The following ATP8B4 variants were observed in gnomAD, a reference collection of about 807,000 sequenced individuals.
ATP8B4 encodes the protein ATPase phospholipid transporting 8B4 (putative).
Under a neutral mutation model 145.6 loss-of-function variants are expected in ATP8B4, and 133 were observed. The observed-to-expected ratio is 0.91, with a 90% confidence interval of 0.79 to 1.05. The LOEUF (loss-of-function observed/expected upper bound fraction) is 1.05. ATP8B4 is among the 50% of genes least tolerant of loss of function. The pLI is 0.00. For missense variants in ATP8B4, 1,458 were observed against 1,425.2 expected (o/e 1.02, Z -0.37); for synonymous variants, 507 against 492.9 (o/e 1.03, Z -0.38).
chr15:50,117,339 T>G (rs1020384777), intron 1 of ATP8B4, among the ~76,000 whole-genome samples: 8 of 152,206 alleles, frequency 5.3e-5, no homozygotes, highest in African/African-American at 1.9e-4. Flanking sequence ...CATGAGCCAC[T>G]GCATCTGGCC....
At chr15:50,012,035 A>G (rs190966036) in intron 6 of ATP8B4, among the ~76,000 whole-genome samples, 89 of 152,276 alleles carry the variant, frequency 5.8e-4, no homozygotes, top group African/African-American at 2.1e-3. Context: ...TTTAATACAG[A>G]TCCAAGTACA....
At chr15:50,145,622 G>T (rs918172786) in intron 1 of ATP8B4, among the ~76,000 whole-genome samples, 1 of 151,936 alleles carries the variant, frequency 6.6e-6, no homozygotes, top group Non-Finnish European at 1.5e-5. Flanking sequence ...AATTCTTAAG[G>T]CTAATTAGGC....
At chr15:49,892,917 C>A (rs947321886) in intron 23 of ATP8B4, among the ~76,000 whole-genome samples, 1 of 152,146 alleles carries the variant, frequency 6.6e-6, no homozygotes, top group Non-Finnish European at 1.5e-5. Context: ...TTTGCACTAA[C>A]TAAAGGGAGA....
At chr15:50,020,437 T>C (rs771673116) in intron 6 of ATP8B4, among the ~76,000 whole-genome samples, 24 of 151,562 alleles carry the variant, frequency 1.6e-4, no homozygotes, top group Non-Finnish European at 3.4e-4. Context: ...GCCTGGCTAA[T>C]TTTTTTGTAT....
At chr15:49,978,388 AAT>A (rs1303306741) in intron 12 of ATP8B4, among the ~76,000 whole-genome samples, 2 of 152,108 alleles carry the variant, frequency 1.3e-5, no homozygotes, top group Non-Finnish European at 2.9e-5. Flanking sequence ...GGCCCGAAGC[AAT>A]ATGTGGTATT....
chr15:50,092,173 A>G (rs1266126604), intron 2 of ATP8B4, among the ~76,000 whole-genome samples: 1 of 152,092 alleles, frequency 6.6e-6, no homozygotes, highest in Non-Finnish European at 1.5e-5. Flanking sequence ...AGACAAACCA[A>G]TGAAAACATA....
chr15:49,913,849 A>G (rs575565290), intron 20 of ATP8B4, among the ~76,000 whole-genome samples: 4 of 152,340 alleles, frequency 2.6e-5, no homozygotes, highest in African/African-American at 9.6e-5. Context: ...GAAAACTACA[A>G]AACACCAGTG....
chr15:50,176,635 G>T (rs138345412), intron 1 of ATP8B4, among the ~76,000 whole-genome samples: 1,587 of 152,264 alleles, frequency 0.01, 11 homozygotes, highest in Non-Finnish European at 0.015. Flanking sequence ...GATATTGAAA[G>T]AAGAGAGAGA....
rs1323199010 is a variant in ATP8B4, at chr15:49,901,089, C to T, written c.2289+3G>A. On this transcript the variant is annotated splice_donor_region_variant and intron_variant, in intron 21 of 27. Coordinates refer to ENST00000284509, the MANE Select transcript of ATP8B4 (RefSeq NM_024837.4). ...AAAGGACAAAAACCTTAGGCAAACT[C>T]ACCAAACTGTGGCCATTTATGATTA... 6 of 1,611,662 alleles carry T rather than the reference C, an allele frequency of 3.7e-6. No individual in the cohort carries two copies. Among genetic ancestry groups the T allele is most frequent in the African/African-American group, 2.7e-5 (2 of 74,802 alleles).
chr15:49,873,151 T>C (rs2033905900), intron 25 of ATP8B4, among the ~76,000 whole-genome samples: 1 of 152,184 alleles, frequency 6.6e-6, no homozygotes, highest in Admixed American at 6.5e-5. Context: ...TCTAAATCAG[T>C]GAAGGGCTGC....
intron 1 of ATP8B4, among the ~76,000 whole-genome samples, chr15:50,145,097 T>C (rs902979410): frequency 6.6e-6 from 1 of 152,252 alleles, no homozygotes; most frequent in Admixed American, 6.5e-5. Flanking sequence ...TACCACATCC[T>C]AATCTGAGTT....
Position 50,114,118 on chromosome 15 carries a change from T to TTTTTTTTTTTTTTTTTTTTTTTTTTTTG in ATP8B4, c.-43+5004_-43+5005insCAAAAAAAAAAAAAAAAAAAAAAAAAAA, listed in dbSNP as rs2057086177. On this transcript the variant is annotated intron_variant, in intron 1 of 27. Coordinates refer to ENST00000284509, the MANE Select transcript of ATP8B4 (RefSeq NM_024837.4). ...CTCCTAGTTTCTTTTTTTTTTTTTTTTTTTTTTTTTAATTTTCATAGACTA... is the reference window on the plus strand; with the variant it reads ...CTCCTAGTTTCTTTTTTTTTTTTTTTTTTTTTTTTTTTTTTTTTTTTTTTTTTGTTTTTTTTTTAATTTTCATAGACTA... Among the ~76,000 whole-genome samples the TTTTTTTTTTTTTTTTTTTTTTTTTTTTG allele has an allele frequency of 1.4e-5, 2 of 141,716 alleles. 1 individual carries two copies. Among genetic ancestry groups the TTTTTTTTTTTTTTTTTTTTTTTTTTTTG allele is most frequent in the Non-Finnish European group, 3.1e-5 (2 of 64,958 alleles). 93.0% of individuals were successfully genotyped at this position (141,716 alleles called of 152,430 possible). A position where few individuals can be genotyped will look rare whatever the true frequency, so the allele number is the denominator to read the frequency against.
chr15:50,045,138 T>C lies in ATP8B4; in HGVS notation c.202-446A>G, dbSNP rs75805064. On this transcript the variant is annotated intron_variant, in intron 4 of 27. Transcript: ENST00000284509. ...ATCATTTAATCCTCGGAAAAGTTCA[T>C]TGAGTTAGATTCCTACTAGGATTGT... Among the ~76,000 whole-genome samples the C allele has an allele frequency of 5.4e-3, 817 of 152,320 alleles. 6 individuals are homozygous for C. The highest frequency in any genetic ancestry group is 0.028 in the East Asian group (143 of 5,188).
intron 20 of ATP8B4, among the ~76,000 whole-genome samples, chr15:49,908,809 A>G (rs765045020): frequency 2.6e-5 from 4 of 152,078 alleles, no homozygotes; most frequent in Non-Finnish European, 5.9e-5. Flanking sequence ...CAAGACGCTG[A>G]CAGCAACCCC....
Position 50,038,843 on chromosome 15 carries a change from G to A in ATP8B4, c.301-14C>T, listed in dbSNP as rs2051043270. The A allele has an allele frequency of 6.2e-7, 1 of 1,610,986 alleles. No individual in the cohort carries two copies. Among genetic ancestry groups the A allele is most frequent in the Non-Finnish European group, 8.5e-7 (1 of 1,177,394 alleles). ...CTTGTGGCGAAACTGAAAAATCAAA[G>A]TGTTTGTGAGAAAACACATTACAAG... On this transcript the variant is annotated splice_polypyrimidine_tract_variant and intron_variant, in intron 5 of 27. Coordinates refer to ENST00000284509, the MANE Select transcript of ATP8B4 (RefSeq NM_024837.4).
intron 6 of ATP8B4, among the ~76,000 whole-genome samples, chr15:50,031,956 G>A (rs183311540): frequency 4.7e-4 from 72 of 152,182 alleles, no homozygotes; most frequent in African/African-American, 1.5e-3. Flanking sequence ...AATATAAAAC[G>A]TATTCAAATT....
chr15:50,090,507 T>C (rs1158925214), intron 2 of ATP8B4, among the ~76,000 whole-genome samples: 1 of 152,160 alleles, frequency 6.6e-6, no homozygotes. Context: ...AGCTCCCTCA[T>C]ACCTTCTGCC....
intron 6 of ATP8B4, among the ~76,000 whole-genome samples, chr15:50,015,297 G>A (rs1043562553): frequency 3.9e-5 from 6 of 152,138 alleles, no homozygotes; most frequent in Non-Finnish European, 5.9e-5. Context: ...TCCATTTTAC[G>A]TTCTTTTGTA....
intron 1 of ATP8B4, among the ~76,000 whole-genome samples, chr15:50,142,067 C>T (rs1341191022): frequency 6.6e-6 from 1 of 151,302 alleles, no homozygotes; most frequent in Admixed American, 6.6e-5. Flanking sequence ...ACAGAATGTA[C>T]AAAGGCAGAG....
Sources: gnomAD v4.1 joint callset for allele counts (sites outside exome capture counted in the v4.1 genomes callset) on GRCh38, gnomAD v4.1.1 for gene constraint, MANE v1.5 for transcripts, NCBI Gene and HGNC (gene_info 2026-07-23, HGNC 2026-07-21) for gene names.